The following HIVEP3 variants were observed in gnomAD, a reference collection of about 807,000 sequenced individuals.
The protein encoded by HIVEP3 is HIVEP zinc finger 3.
HIVEP3 carries 49 observed loss-of-function variants against 152.8 expected under a neutral mutation model. The observed-to-expected ratio is 0.32, with a 90% confidence interval of 0.26 to 0.41. HIVEP3 has a LOEUF of 0.41. Among genes scored for constraint, HIVEP3 ranks in the 10% least tolerant of loss-of-function variants. HIVEP3 has a pLI of 1.00. For missense variants in HIVEP3, 2,790 were observed against 3,103.3 expected (o/e 0.90, Z 2.40); for synonymous variants, 1,269 against 1,289.0 (o/e 0.98, Z 0.33).
At chr1:41,768,936 C>T (rs149323853) in intron 1 of HIVEP3, among the ~76,000 whole-genome samples, 210 of 152,370 alleles carry the variant, frequency 1.4e-3, no homozygotes, top group African/African-American at 4.7e-3. Flanking sequence ...GGTCTCCCCA[C>T]AAGGCTTCCA....
upstream of HIVEP3, among the ~76,000 whole-genome samples, chr1:41,919,121 T>C (rs1240494912): frequency 1.3e-5 from 2 of 151,984 alleles, no homozygotes; most frequent in Non-Finnish European, 2.9e-5. Context: ...TATGCACATA[T>C]ATATGCACAC....
intron 1 of HIVEP3, among the ~76,000 whole-genome samples, chr1:41,831,337 T>C (rs529281212): frequency 6.6e-6 from 1 of 152,310 alleles, no homozygotes; most frequent in Admixed American, 6.5e-5. Context: ...GAGCCTCAGT[T>C]TTCTCATCTG....
chr1:41,893,152 A>G (rs1277536556), intron 1 of HIVEP3, among the ~76,000 whole-genome samples: 5 of 151,374 alleles, frequency 3.3e-5, no homozygotes, highest in African/African-American at 1.2e-4. Flanking sequence ...ACAGAAAAGC[A>G]AAAAACCCAC....
At chr1:41,741,694 C>T (rs748315138) in intron 1 of HIVEP3, among the ~76,000 whole-genome samples, 2 of 152,200 alleles carry the variant, frequency 1.3e-5, no homozygotes, top group Admixed American at 6.5e-5. Flanking sequence ...TCCCATGGGG[C>T]GTCGGGATGA....
intron 5 of HIVEP3, among the ~76,000 whole-genome samples, chr1:41,555,151 C>A (rs950259924): frequency 3.3e-5 from 5 of 152,208 alleles, no homozygotes; most frequent in African/African-American, 1.2e-4. Flanking sequence ...GGACTCCACC[C>A]AGTTTGAGCT....
intron 1 of HIVEP3, among the ~76,000 whole-genome samples, chr1:41,714,902 C>A (rs1646567131): frequency 6.6e-6 from 1 of 152,100 alleles, no homozygotes. Flanking sequence ...AAGGAGTTTT[C>A]TGGGGGGAGG....
At chr1:41,757,360 A>C (rs993075682) in intron 1 of HIVEP3, among the ~76,000 whole-genome samples, 2 of 151,496 alleles carry the variant, frequency 1.3e-5, no homozygotes, top group African/African-American at 4.9e-5. Context: ...GTCGTGATCC[A>C]CCCGTCTCGG....
intron 5 of HIVEP3, chr1:41,542,778 C>T (rs909534252): frequency 2.5e-5 from 4 of 162,118 alleles, no homozygotes; most frequent in African/African-American, 4.8e-5. Flanking sequence ...TGCTGAAGAG[C>T]AGGCTTCAGT....
chr1:41,988,703 T>C (rs1377491603), intron 1 of HIVEP3, among the ~76,000 whole-genome samples: 2 of 152,062 alleles, frequency 1.3e-5, no homozygotes, highest in East Asian at 1.9e-4. Context: ...GTCCAACAAC[T>C]CCACTTGCAG....
chr1:41,982,700 C>T (rs764801078), intron 1 of HIVEP3, among the ~76,000 whole-genome samples: 5 of 151,944 alleles, frequency 3.3e-5, no homozygotes, highest in Non-Finnish European at 7.4e-5. Context: ...AATTACTTGC[C>T]GACAGAATTG....
At chr1:41,744,817 A>G (rs1171721640) in intron 1 of HIVEP3, among the ~76,000 whole-genome samples, 1 of 152,186 alleles carries the variant, frequency 6.6e-6, no homozygotes, top group Non-Finnish European at 1.5e-5. Context: ...ACACATACAT[A>G]TCTAACCTGC....
chr1:41,824,201 T>A (rs1433307019), intron 1 of HIVEP3, among the ~76,000 whole-genome samples: 3 of 151,868 alleles, frequency 2.0e-5, no homozygotes, highest in Non-Finnish European at 4.4e-5. Context: ...ACACCAAGAA[T>A]CCCCCCAGGC....
At chr1:41,539,137 G>C (rs1170195149) in intron 5 of HIVEP3, among the ~76,000 whole-genome samples, 1 of 152,226 alleles carries the variant, frequency 6.6e-6, no homozygotes, top group African/African-American at 2.4e-5. Flanking sequence ...ATGCAGAGAA[G>C]CCTGCTGCAT....
chr1:41,945,320 A>G (rs1645069033), intron 1 of HIVEP3, among the ~76,000 whole-genome samples: 1 of 152,206 alleles, frequency 6.6e-6, no homozygotes, highest in Non-Finnish European at 1.5e-5. Flanking sequence ...CTGTGGGAGG[A>G]GGAGAATTTG....
chr1:41,614,615 G>A (rs1352534045), intron 3 of HIVEP3, among the ~76,000 whole-genome samples: 1 of 152,164 alleles, frequency 6.6e-6, no homozygotes, highest in Non-Finnish European at 1.5e-5. Flanking sequence ...TTATTCCACA[G>A]TAGATTTGAG....
At chr1:41,864,070 G>A (rs1005449644) in intron 1 of HIVEP3, among the ~76,000 whole-genome samples, 9 of 152,232 alleles carry the variant, frequency 5.9e-5, no homozygotes, top group African/African-American at 1.9e-4. Flanking sequence ...GCCCCTCCTG[G>A]CTCTGCATTT....
At chr1:41,949,621 G>A (rs1183254060) in intron 1 of HIVEP3, among the ~76,000 whole-genome samples, 1 of 151,638 alleles carries the variant, frequency 6.6e-6, no homozygotes, top group Non-Finnish European at 1.5e-5. Context: ...CTGGACCCTG[G>A]GGCCTCCTCA....
chr1:42,023,815 C>T (rs2124536725), intron 1 of HIVEP3, among the ~76,000 whole-genome samples: 1 of 152,290 alleles, frequency 6.6e-6, no homozygotes, highest in South Asian at 2.1e-4. Flanking sequence ...TTGTAAATTA[C>T]CCAGTCTAAG....
chr1:41,734,924 GC>G (rs1444805322), intron 1 of HIVEP3, among the ~76,000 whole-genome samples: 1 of 152,200 alleles, frequency 6.6e-6, no homozygotes, highest in Non-Finnish European at 1.5e-5. Context: ...TTAAGAGAGT[GC>G]TTACAGGGTA....
Sources: allele counts gnomAD v4.1 joint callset (sites outside exome capture counted in the v4.1 genomes callset), GRCh38; gene constraint gnomAD v4.1.1; transcripts MANE v1.5; gene names NCBI Gene and HGNC (gene_info 2026-07-23, HGNC 2026-07-21).